SYT3: variants seen among roughly 807,000 people sequenced by gnomAD.
SYT3 encodes synaptotagmin-3.
SYT3 carries 25 observed loss-of-function variants against 50.6 expected under a neutral mutation model. The observed-to-expected ratio is 0.49, with a 90% confidence interval of 0.36 to 0.69. SYT3 has a LOEUF of 0.69. Among genes scored for constraint, SYT3 ranks in the 30% least tolerant of loss-of-function variants. The pLI is 0.00. For missense variants in SYT3, 589 were observed against 793.6 expected, an observed-to-expected ratio of 0.74 and a Z score of 3.10; for synonymous variants, 323 against 353.9, an observed-to-expected ratio of 0.91 and a Z score of 0.98.
In SYT3 at chr19:50,622,660, C is replaced by T. The variant is rs747635509; in HGVS notation, c.*3+27G>A. On this transcript the variant is annotated intron_variant, in intron 10 of 10. Coordinates refer to ENST00000600079, the MANE Select transcript of SYT3 (RefSeq NM_001160329.2). The stretch of plus-strand genomic sequence containing the variant: ...CAGACGCAGGCATCTCCACCCCCAG[C>T]CCCTTCCCTGTGGCCAGGCTGCTTA... 17 of 1,142,356 alleles carry T rather than the reference C, an allele frequency of 1.5e-5. 1 individual carries two copies. In the South Asian group the frequency reaches 2.0e-4, roughly 13 times the overall value. The allele number at this position is 1,142,356 out of a possible 1,614,324, so 70.8% of individuals were successfully genotyped here. A position where few individuals can be genotyped will look rare whatever the true frequency, so the allele number is the denominator to read the frequency against.
chr19:50,625,107 A>C lies in SYT3; in HGVS notation c.1707+55T>G. The C allele has an allele frequency of 6.9e-7, 1 of 1,458,378 alleles. No individual in the cohort carries two copies. Among genetic ancestry groups the C allele is most frequent in the Non-Finnish European group, 9.1e-7 (1 of 1,103,470 alleles). 90.3% of individuals were successfully genotyped at this position (1,458,378 alleles called of 1,614,324 possible). On this transcript the variant is annotated intron_variant, in intron 9 of 10. Transcript: ENST00000600079. This position sits in a 1 kb window ranked among gnomAD's most constrained non-coding sequence, Gnocchi z 7.5. The stretch of plus-strand genomic sequence containing the variant: ...TGCAGGGCGTTCGTTGCATGGATGA[A>C]GGGGCCGAGGGTGCACGGGTGCTTG...
At chr19:50,651,307 T>C in the SYT3 span, among the ~76,000 whole-genome samples, 1 of 152,352 alleles carries the variant, frequency 6.6e-6, no homozygotes, top group South Asian at 2.1e-4. Context: ...GCTAGGCCCT[T>C]CATGGGAAAC....
At chr19:50,630,208 T>C (rs767214885) in intron 4 of SYT3, 37 bp from the exon 5 acceptor site, 59 of 1,479,510 alleles carry the variant, frequency 4.0e-5, no homozygotes, top group Admixed American at 5.2e-5. Context: ...GTGAGGTCAG[T>C]GGCTCTGATC....
the SYT3 span, chr19:50,656,391 T>C: frequency 6.6e-7 from 1 of 1,506,184 alleles, no homozygotes; most frequent in Non-Finnish European, 8.9e-7. Flanking sequence ...TTTGGTGGGG[T>C]GATGGGAAGG....
chr19:50,626,957 G>A (rs959612440), intron 6 of SYT3, among the ~76,000 whole-genome samples: 1 of 151,964 alleles, frequency 6.6e-6, no homozygotes, highest in African/African-American at 2.4e-5. Flanking sequence ...GAGAAAGAGA[G>A]AGAGAGAGAG....
chr19:50,641,972 GCAT>G (rs1373650424), upstream of SYT3, among the ~76,000 whole-genome samples: 1 of 152,142 alleles, frequency 6.6e-6, no homozygotes, highest in East Asian at 1.9e-4. Flanking sequence ...CTTTAAGCAC[GCAT>G]CCTGGGCCCT....
At chr19:50,648,101 C>A in the SYT3 span, among the ~76,000 whole-genome samples, 1 of 152,172 alleles carries the variant, frequency 6.6e-6, no homozygotes, top group African/African-American at 2.4e-5. Context: ...ATCCAACTGT[C>A]TGTATCTTTG....
At chr19:50,643,699 G>T (rs1285427582), upstream of SYT3, among the ~76,000 whole-genome samples, 3 of 149,484 alleles carry the variant, frequency 2.0e-5, no homozygotes, top group African/African-American at 7.5e-5. Flanking sequence ...CACCTAATGT[G>T]TGCCAGGCAT....
chr19:50,652,710 CACAG>C, the SYT3 span, among the ~76,000 whole-genome samples: 5 of 152,154 alleles, frequency 3.3e-5, no homozygotes, highest in African/African-American at 1.2e-4. Flanking sequence ...TTATTCATCC[CACAG>C]ACAATGAAAA....
rs373338775 is a variant in SYT3, at chr19:50,637,296, C to T, written c.116G>A (p.Arg39Gln). 3.0e-5 allele frequency: 48 copies of T among 1,613,314 alleles called. No individual in the cohort carries two copies. Among genetic ancestry groups the T allele is most frequent in the Middle Eastern group, 1.7e-4 (1 of 6,058 alleles). The part of the protein sequence containing the change: ...TNDRCQEFND[R>Q]IRGYPRGPDA... ...TGGACCCCGGGGATAGCCTCGGATT[C>T]GGTCATTGAACTCCTGGCACCTGTC... is the stretch of plus-strand genomic sequence containing the variant. The change falls in exon 3 of 11, where the codon CGA becomes CAA. Residue 39 changes from arginine to glutamine, a missense_variant. Transcript: ENST00000600079. This position sits in a 1 kb window ranked among gnomAD's most constrained non-coding sequence, Gnocchi z 4.9.
chr19:50,643,195 A>G (rs1454462573), upstream of SYT3, among the ~76,000 whole-genome samples: 1 of 151,854 alleles, frequency 6.6e-6, no homozygotes, highest in Non-Finnish European at 1.5e-5. Flanking sequence ...ACATAGTGAG[A>G]CCTCATTTCT....
In SYT3 at chr19:50,632,033, C is replaced by G. The variant is rs1345250288; in HGVS notation, c.674+253G>C. On this transcript the variant is annotated intron_variant, in intron 4 of 10. Transcript: ENST00000600079. The surrounding 1 kb of genome is among the most constrained non-coding windows in gnomAD (Gnocchi z 4.7). Reference sequence around the variant, plus strand: ...TCCTGTCCTAAGTCCTGCCCCCAGTCTCCTCCCTCTGGACCCAGGAATTCA... The same window carrying G: ...TCCTGTCCTAAGTCCTGCCCCCAGTGTCCTCCCTCTGGACCCAGGAATTCA... 1.3e-5 allele frequency among the ~76,000 whole-genome samples: 2 copies of G among 152,096 alleles called. No homozygotes were observed. Among genetic ancestry groups the G allele is most frequent in the African/African-American group, 4.8e-5 (2 of 41,408 alleles).
chr19:50,658,030 G>A, the SYT3 span: 1 of 1,535,884 alleles, frequency 6.5e-7, no homozygotes, highest in Non-Finnish European at 8.7e-7. Context: ...TGCAAGCCCT[G>A]GAGGCCCAGT....
the SYT3 span, among the ~76,000 whole-genome samples, chr19:50,653,171 A>G: frequency 0.95 from 144,134 of 152,134 alleles, 68,529 homozygotes; most frequent in African/African-American, 0.98. Flanking sequence ...CGGAGTACCT[A>G]AGACTACAGG....
the SYT3 span, among the ~76,000 whole-genome samples, chr19:50,651,652 A>G: frequency 2.6e-5 from 4 of 151,894 alleles, no homozygotes; most frequent in Admixed American, 6.6e-5. Flanking sequence ...GCAGTGAGCT[A>G]TGACTGCACC....
the SYT3 span, among the ~76,000 whole-genome samples, chr19:50,647,230 C>G: frequency 1.3e-5 from 2 of 152,196 alleles, no homozygotes; most frequent in Middle Eastern, 3.4e-3. Flanking sequence ...TCATGCAGCT[C>G]TTTCAGTCCA....
At chr19:50,650,766 C>G in the SYT3 span, among the ~76,000 whole-genome samples, 3 of 152,238 alleles carry the variant, frequency 2.0e-5, no homozygotes, top group Admixed American at 1.3e-4. Context: ...CCCACCTCAG[C>G]CTTCGAGGCC....
At chr19:50,657,003 GGGAAA>G in the SYT3 span, among the ~76,000 whole-genome samples, 32 of 148,170 alleles carry the variant, frequency 2.2e-4, no homozygotes, top group Admixed American at 1.2e-3. Context: ...AAGGGAGGGA[GGGAAA>G]GGAAAGGAAA....
intron 6 of SYT3, among the ~76,000 whole-genome samples, chr19:50,626,994 A>G (rs564288690): frequency 6.6e-6 from 1 of 152,254 alleles, no homozygotes; most frequent in African/African-American, 2.4e-5. Flanking sequence ...AGAGTGGGAC[A>G]AAGACCAAGC....
Sources: allele counts gnomAD v4.1 joint callset (sites outside exome capture counted in the v4.1 genomes callset), GRCh38; gene constraint gnomAD v4.1.1; non-coding constraint Gnocchi (gnomAD v3.1); transcripts MANE v1.5; gene names NCBI Gene and HGNC (gene_info 2026-07-23, HGNC 2026-07-21).